STAT1: variants seen among roughly 807,000 people sequenced by gnomAD.
STAT1 encodes the protein signal transducer and activator of transcription 1-alpha/beta.
Under a neutral mutation model 111.7 loss-of-function variants are expected in STAT1, and 24 were observed. That is an observed-to-expected ratio of 0.21 (90% CI 0.16 to 0.30). The LOEUF (loss-of-function observed/expected upper bound fraction) is 0.30, where lower values mean the gene tolerates loss of function less well. STAT1 is among the 10% of genes least tolerant of loss of function. The pLI is 1.00. For missense variants in STAT1, 351 were observed against 911.9 expected (o/e 0.38, Z 7.92); for synonymous variants, 332 against 326.5 (o/e 1.02, Z -0.18).
Position 190,973,398 on chromosome 2 carries a change from A to G in STAT1, c.2238+1432T>C, listed in dbSNP as rs1490821770. Among the ~76,000 whole-genome samples, 3 of 152,218 alleles carry G rather than the reference A, an allele frequency of 2.0e-5. No individual in the cohort carries two copies. The highest frequency in any genetic ancestry group is 4.4e-5 in the Non-Finnish European group (3 of 68,042). ...TTCCCACATCTGTCAAAGTAGGAAT[A>G]ACAATAACACCTAACTCAGAAGGTG... On this transcript the variant is annotated intron_variant, in intron 24 of 24. Transcript: ENST00000361099. The surrounding 1 kb of genome is among the most constrained non-coding windows in gnomAD (Gnocchi z 4.4).
chr2:190,983,534 G>A lies in STAT1; in HGVS notation c.1446+108C>T, dbSNP rs1692550182. 5.2e-6 allele frequency: 5 copies of A among 952,796 alleles called. No homozygotes were observed. The highest frequency in any genetic ancestry group is 1.6e-5 in the African/African-American group (1 of 62,212). 59.0% of individuals were successfully genotyped at this position (952,796 alleles called of 1,614,324 possible). A position where few individuals can be genotyped will look rare whatever the true frequency, so the allele number is the denominator to read the frequency against. ...GCCTTAGAAATACCACAGGAGCTTTGTCACTTCTCCCTTAACAACTGGCCA... is the reference window on the plus strand; with the variant it reads ...GCCTTAGAAATACCACAGGAGCTTTATCACTTCTCCCTTAACAACTGGCCA... On this transcript the variant is annotated intron_variant, in intron 17 of 24. Transcript: ENST00000361099. This position sits in a 1 kb window ranked among gnomAD's most constrained non-coding sequence, Gnocchi z 5.7.
rs1180271250 is a variant in STAT1, at chr2:190,998,729, A to C, written c.542-421T>G. Among the ~76,000 whole-genome samples the C allele has an allele frequency of 6.6e-6, 1 of 151,634 alleles. No homozygotes were observed. The highest frequency in any genetic ancestry group is 2.4e-5 in the African/African-American group (1 of 41,378). ...GTTTTCAGTGACCCATGTAAATCAG[A>C]CATAGTAGTATCTGCCACTTAAGAC... is the stretch of plus-strand genomic sequence containing the variant. On this transcript the variant is annotated intron_variant, in intron 7 of 24. Transcript: ENST00000361099. This position sits in a 1 kb window ranked among gnomAD's most constrained non-coding sequence, Gnocchi z 4.1.
rs777939901 is a variant in STAT1 at position 190,989,600 on chromosome 2, T to C, written c.1097+15A>G. The C allele has an allele frequency of 1.9e-5, 27 of 1,432,664 alleles. No individual in the cohort carries two copies. Among genetic ancestry groups the C allele is most frequent in the Non-Finnish European group, 2.6e-5 (27 of 1,029,552 alleles). The allele number at this position is 1,432,664 out of a possible 1,614,324, so 88.7% of individuals were successfully genotyped here. On this transcript the variant is annotated intron_variant, in intron 12 of 24. Transcript: ENST00000361099. This position sits in a 1 kb window ranked among gnomAD's most constrained non-coding sequence, Gnocchi z 5.0. ...AATAGTACATGTATGTTATATAATGTTAAAGATATCTTACTTATCAAATAA... is the reference window on the plus strand; with the variant it reads ...AATAGTACATGTATGTTATATAATGCTAAAGATATCTTACTTATCAAATAA...
Position 190,976,981 on chromosome 2 carries a change from A to G in STAT1, c.1918T>C (p.Ser640Pro), listed in dbSNP as rs758376836. Residue 640 changes from serine to proline, a missense_variant, in exon 22 of 25, where the codon TCT becomes CCT. Ser to Pro is a moderately conservative substitution (Grantham distance 74, BLOSUM62 -1). Around this residue, in one of 7 missense-constraint regions of STAT1, gnomAD observed 181 missense variants for 426.1 expected, o/e 0.42. Transcript: ENST00000361099. This position sits in a 1 kb window ranked among gnomAD's most constrained non-coding sequence, Gnocchi z 6.0. ...AVEPYTKKELSAVTFPDIIRN... is the reference protein window; with the variant it reads ...AVEPYTKKELPAVTFPDIIRN... ...ATGATGTCAGGGAAAGTAACAGCAG[A>G]AAGTTCTTTCTTCGTGTAGGGTTCA... 6.2e-7 allele frequency: 1 copy of G among 1,614,254 alleles called. No homozygotes were observed.
rs762751938 is a variant in STAT1 at position 190,995,081 on chromosome 2, A to G, written c.924T>C (p.Leu308=). ...GTTACCTCTGAATGAGCTGCTGGAA[A>G]AGACTGAAGGTGCGGTCCCATAACA... ...KQVLWDRTFS[L]FQQLIQSSFV... is the part of the protein sequence containing the mutation. Residue 308 remains leucine, a synonymous_variant, in exon 10 of 25, where the codon CTT becomes CTC. Coordinates refer to ENST00000361099, the MANE Select transcript of STAT1 (RefSeq NM_007315.4). The surrounding 1 kb of genome is among the most constrained non-coding windows in gnomAD (Gnocchi z 4.2). The G allele has an allele frequency of 6.2e-7, 1 of 1,613,952 alleles. No individual in the cohort carries two copies. Among genetic ancestry groups the G allele is most frequent in the Admixed American group, 1.7e-5 (1 of 60,012 alleles).
At position 191,004,272 on chromosome 2, in the gene STAT1, C is replaced by T. The variant is rs145709603; in HGVS notation, c.373-3109G>A. Reference sequence around the variant, plus strand: ...TAAGAAACCAGGAGTACTGAAACCACGGGAATTTCAAACACTGAAGTTGGA... The same window carrying T: ...TAAGAAACCAGGAGTACTGAAACCATGGGAATTTCAAACACTGAAGTTGGA... On this transcript the variant is annotated intron_variant, in intron 5 of 24. Transcript: ENST00000361099. This position sits in a 1 kb window ranked among gnomAD's most constrained non-coding sequence, Gnocchi z 5.0. 2.5e-3 allele frequency among the ~76,000 whole-genome samples: 376 copies of T among 152,274 alleles called. 3 individuals are homozygous for T. The highest frequency in any genetic ancestry group is 8.4e-3 in the African/African-American group (347 of 41,538).
intron 14 of STAT1, among the ~76,000 whole-genome samples, chr2:190,985,904 C>G (rs1692774566): frequency 6.6e-6 from 1 of 152,230 alleles, no homozygotes; most frequent in African/African-American, 2.4e-5. Flanking sequence ...CCGCTCCTCT[C>G]CTGTGTTCAA....
intron 5 of STAT1, among the ~76,000 whole-genome samples, chr2:191,005,219 T>C (rs920344304): frequency 6.6e-6 from 1 of 152,198 alleles, no homozygotes; most frequent in Admixed American, 6.5e-5. Context: ...TTAGCATTCA[T>C]GGATGGCCTT....
chr2:190,996,939 A>G lies in STAT1; in HGVS notation c.785+917T>C, dbSNP rs1693902934. 1.3e-5 allele frequency among the ~76,000 whole-genome samples: 2 copies of G among 152,184 alleles called. No individual in the cohort carries two copies. The highest frequency in any genetic ancestry group is 2.9e-5 in the Non-Finnish European group (2 of 68,028). ...AGGCTGTGGCCAGAGTGCCCTTTCT[A>G]AATCAAAGATCAGAGAAATACATCT... On this transcript the variant is annotated intron_variant, in intron 9 of 24. Transcript: ENST00000361099. This position sits in a 1 kb window ranked among gnomAD's most constrained non-coding sequence, Gnocchi z 4.5.
At position 190,978,183 on chromosome 2, in the gene STAT1, C is replaced by T. The variant is rs1471782370; in HGVS notation, c.1873+673G>A. Among the ~76,000 whole-genome samples the T allele has an allele frequency of 6.6e-6, 1 of 152,130 alleles. No homozygotes were observed. Among genetic ancestry groups the T allele is most frequent in the Non-Finnish European group, 1.5e-5 (1 of 68,014 alleles). On this transcript the variant is annotated intron_variant, in intron 21 of 24. Coordinates refer to ENST00000361099, the MANE Select transcript of STAT1 (RefSeq NM_007315.4). The surrounding 1 kb of genome is among the most constrained non-coding windows in gnomAD (Gnocchi z 6.1). Reference sequence around the variant, plus strand: ...TACTAAAACAAATCAGTTTTTCCTCCTGCCCTTCAAACAGACCAAACTCTA... The same window carrying T: ...TACTAAAACAAATCAGTTTTTCCTCTTGCCCTTCAAACAGACCAAACTCTA...
Position 190,979,582 on chromosome 2 carries a change from T to G in STAT1, c.1727+190A>C, listed in dbSNP as rs1345334810. Among the ~76,000 whole-genome samples, 2 of 152,086 alleles carry G rather than the reference T, an allele frequency of 1.3e-5. No homozygotes were observed. The highest frequency in any genetic ancestry group is 2.9e-5 in the Non-Finnish European group (2 of 68,010). On this transcript the variant is annotated intron_variant, in intron 20 of 24. Transcript: ENST00000361099. The surrounding 1 kb of genome is among the most constrained non-coding windows in gnomAD (Gnocchi z 5.8). ...ATTTAGCTTTGCCAATACATATACT[T>G]GTACTAAGAAAGTGTAAGGTTAATG...
rs1347685630 is a variant in STAT1 at position 191,006,098 on chromosome 2, G to C, written c.372+1465C>G. Among the ~76,000 whole-genome samples, 1 of 152,236 alleles carries C rather than the reference G, an allele frequency of 6.6e-6. No individual in the cohort carries two copies. The highest frequency in any genetic ancestry group is 1.9e-4 in the East Asian group (1 of 5,202). Reference sequence around the variant, plus strand: ...CAAATGTGAGGATGACATGCTTGCAGCTGGGGGAAACAGGTTGTCCTTCTG... The same window carrying C: ...CAAATGTGAGGATGACATGCTTGCACCTGGGGGAAACAGGTTGTCCTTCTG... On this transcript the variant is annotated intron_variant, in intron 5 of 24. Coordinates refer to ENST00000361099, the MANE Select transcript of STAT1 (RefSeq NM_007315.4). The surrounding 1 kb of genome is among the most constrained non-coding windows in gnomAD (Gnocchi z 4.6).
chr2:191,007,467 T>C lies in STAT1; in HGVS notation c.372+96A>G. ...TCTTGGGGCTATAAAATTAGAGAGA[T>C]ATTCATCATTGCTTTGACATGGGCC... On this transcript the variant is annotated intron_variant, in intron 5 of 24. Transcript: ENST00000361099. This position sits in a 1 kb window ranked among gnomAD's most constrained non-coding sequence, Gnocchi z 4.2. The C allele has an allele frequency of 6.7e-6, 6 of 892,976 alleles. No individual in the cohort carries two copies. The highest frequency in any genetic ancestry group is 5.6e-5 in the South Asian group (4 of 71,074). The allele number at this position is 892,976 out of a possible 1,614,324, so 55.3% of individuals were successfully genotyped here.
At position 190,990,714 on chromosome 2, in the gene STAT1, T is replaced by C. The variant is rs1422005103; in HGVS notation, c.1037+514A>G. Among the ~76,000 whole-genome samples the C allele has an allele frequency of 2.6e-5, 4 of 152,232 alleles. No homozygotes were observed. The highest frequency in any genetic ancestry group is 9.6e-5 in the African/African-American group (4 of 41,456). On this transcript the variant is annotated intron_variant, in intron 11 of 24. Coordinates refer to ENST00000361099, the MANE Select transcript of STAT1 (RefSeq NM_007315.4). The surrounding 1 kb of genome is among the most constrained non-coding windows in gnomAD (Gnocchi z 5.1). ...TTTCCGTATGAAATATATATTTGTG[T>C]AGACATGGACAAAATCCTGGGAGGA...
intron 5 of STAT1, among the ~76,000 whole-genome samples, chr2:191,002,401 A>T (rs1185641019): frequency 1.3e-5 from 2 of 152,108 alleles, no homozygotes; most frequent in Non-Finnish European, 2.9e-5. Context: ...GAACCCTTGA[A>T]GGATGTTTGA....
In STAT1 at chr2:190,974,937, A is replaced by C; in HGVS notation, c.2136-5T>G. On this transcript the variant is annotated splice_region_variant and splice_polypyrimidine_tract_variant and intron_variant, in intron 23 of 24. Transcript: ENST00000361099. The surrounding 1 kb of genome is among the most constrained non-coding windows in gnomAD (Gnocchi z 4.8). The stretch of plus-strand genomic sequence containing the variant: ...GTCTGAAGTCTAGAAGGGTGACTAA[A>C]ATGGGGAAAAAGAAAAGAGCAATGT... The C allele has an allele frequency of 1.9e-6, 3 of 1,609,592 alleles. No homozygotes were observed. The highest frequency in any genetic ancestry group is 2.6e-6 in the Non-Finnish European group (3 of 1,175,930).
chr2:191,013,913 G>T (rs1559028315), intron 1 of STAT1, 105 bp downstream of exon 1: 5 of 363,240 alleles, frequency 1.4e-5, no homozygotes, highest in Non-Finnish European at 2.4e-5. Flanking sequence ...ACTATTCGCG[G>T]GTCAGCACAG....
rs1692514923 is a variant in STAT1 at position 190,983,131 on chromosome 2, G to A, written c.1446+511C>T. Among the ~76,000 whole-genome samples the A allele has an allele frequency of 6.6e-6, 1 of 152,198 alleles. No homozygotes were observed. Among genetic ancestry groups the A allele is most frequent in the South Asian group, 2.1e-4 (1 of 4,826 alleles). Reference sequence around the variant, plus strand: ...TGCCTCAACAAGTGTATTAGATAAGGTGTCTTTAAACAGAAACACACATAA... The same window carrying A: ...TGCCTCAACAAGTGTATTAGATAAGATGTCTTTAAACAGAAACACACATAA... On this transcript the variant is annotated intron_variant, in intron 17 of 24. Transcript: ENST00000361099. This position sits in a 1 kb window ranked among gnomAD's most constrained non-coding sequence, Gnocchi z 5.7.
Position 191,000,008 on chromosome 2 carries a change from GAT to G in STAT1, c.463-306_463-305del, listed in dbSNP as rs1401982679. Among the ~76,000 whole-genome samples, 1 of 152,214 alleles carries G rather than the reference GAT, an allele frequency of 6.6e-6. No individual in the cohort carries two copies. The highest frequency in any genetic ancestry group is 1.5e-5 in the Non-Finnish European group (1 of 68,042). On this transcript the variant is annotated intron_variant, in intron 6 of 24. Coordinates refer to ENST00000361099, the MANE Select transcript of STAT1 (RefSeq NM_007315.4). This position sits in a 1 kb window ranked among gnomAD's most constrained non-coding sequence, Gnocchi z 4.8. ...TCATCATTTTTGAGACTACCTCTGA[GAT>G]ATGATTTAAGAACTCCACTGTGAAG...
Sources: gnomAD v4.1 joint callset for allele counts (sites outside exome capture counted in the v4.1 genomes callset) on GRCh38, gnomAD v4.1.1 for gene constraint, gnomAD v4.1.1 regional missense constraint, Gnocchi (gnomAD v3.1) non-coding constraint, MANE v1.5 for transcripts, NCBI Gene and HGNC (gene_info 2026-07-23, HGNC 2026-07-21) for gene names.